The following MARCHF1 variants were observed in gnomAD, a reference collection of about 807,000 sequenced individuals.
MARCHF1 encodes E3 ubiquitin-protein ligase MARCHF1.
In MARCHF1, 40 loss-of-function variants were observed where a neutral mutation model predicts 54.2. The ratio of observed to expected loss-of-function variants is 0.74; its 90% confidence interval spans 0.57 to 0.96. The LOEUF is 0.96. Among genes scored for constraint, MARCHF1 ranks in the 40% least tolerant of loss-of-function variants. The pLI is 0.00. For synonymous variants in MARCHF1, 236 were observed against 236.3 expected (o/e 1.00, Z 0.01); for missense variants, 586 against 656.5 (o/e 0.89, Z 1.17).
chr4:163,635,345 C>T (rs1269408613), intron 5 of MARCHF1, among the ~76,000 whole-genome samples: 20 of 150,506 alleles, frequency 1.3e-4, no homozygotes, highest in South Asian at 4.2e-4. Flanking sequence ...ATTGATAGAC[C>T]GCTAGCAAGA....
chr4:164,279,537 G>T (rs1248369165), intron 1 of MARCHF1, among the ~76,000 whole-genome samples: 1 of 151,560 alleles, frequency 6.6e-6, no homozygotes, highest in African/African-American at 2.4e-5. Flanking sequence ...AATGTTGACT[G>T]TTCACAATAC....
chr4:163,909,851 T>C (rs1024168495), intron 3 of MARCHF1, among the ~76,000 whole-genome samples: 12 of 152,220 alleles, frequency 7.9e-5, no homozygotes, highest in African/African-American at 1.2e-4. Context: ...AGTTTGCTTG[T>C]ATGTGATATC....
chr4:163,722,549 C>G (rs889974088), intron 4 of MARCHF1, among the ~76,000 whole-genome samples: 7 of 152,172 alleles, frequency 4.6e-5, no homozygotes, highest in Admixed American at 2.0e-4. Flanking sequence ...ATTAGGTCCA[C>G]TTGGTGCAGA....
intron 2 of MARCHF1, among the ~76,000 whole-genome samples, chr4:164,051,332 C>A (rs1754360258): frequency 6.6e-6 from 1 of 152,118 alleles, no homozygotes; most frequent in South Asian, 2.1e-4. Flanking sequence ...ATTTAGCCAA[C>A]TCGATAATTG....
intron 4 of MARCHF1, among the ~76,000 whole-genome samples, chr4:163,787,132 TA>T (rs1446837840): frequency 6.6e-6 from 1 of 151,634 alleles, no homozygotes; most frequent in Admixed American, 6.6e-5. Flanking sequence ...CTTCTAGAAT[TA>T]AAAAAAGGAG....
intron 1 of MARCHF1, among the ~76,000 whole-genome samples, chr4:164,148,157 A>ACT (rs1045202043): frequency 5.9e-5 from 9 of 151,752 alleles, no homozygotes; most frequent in Non-Finnish European, 1.2e-4. Flanking sequence ...ACACACACAC[A>ACT]CACACACACA....
intron 3 of MARCHF1, among the ~76,000 whole-genome samples, chr4:163,935,180 G>A (rs1316603573): frequency 6.6e-6 from 1 of 151,946 alleles, no homozygotes; most frequent in Non-Finnish European, 1.5e-5. Context: ...TAATTCTTAA[G>A]GGTCATACAA....
At chr4:163,878,943 A>AC (rs1428664200) in intron 3 of MARCHF1, among the ~76,000 whole-genome samples, 3 of 152,194 alleles carry the variant, frequency 2.0e-5, no homozygotes, top group Non-Finnish European at 4.4e-5. Context: ...TTTGTGAAGC[A>AC]CTGAGTAATA....
intron 4 of MARCHF1, among the ~76,000 whole-genome samples, chr4:163,806,826 T>C (rs1382838751): frequency 6.6e-6 from 1 of 151,990 alleles, no homozygotes; most frequent in African/African-American, 2.4e-5. Context: ...GTGTGATCGC[T>C]CATGATAGAA....
At chr4:164,123,321 T>C (rs1021982892) in intron 1 of MARCHF1, among the ~76,000 whole-genome samples, 5 of 151,988 alleles carry the variant, frequency 3.3e-5, no homozygotes, top group East Asian at 1.9e-4. Context: ...CCCCAAAAGA[T>C]GGAAAAATAC....
At chr4:164,191,308 T>G (rs183066417) in intron 1 of MARCHF1, among the ~76,000 whole-genome samples, 3 of 152,234 alleles carry the variant, frequency 2.0e-5, no homozygotes, top group African/African-American at 7.2e-5. Context: ...ACTCTGCATA[T>G]TAATTGATTA....
At chr4:163,915,188 A>G (rs958505549) in intron 3 of MARCHF1, among the ~76,000 whole-genome samples, 3 of 152,170 alleles carry the variant, frequency 2.0e-5, no homozygotes, top group Admixed American at 2.0e-4. Context: ...GACAAAGGAA[A>G]TTTTAAAAAA....
intron 4 of MARCHF1, among the ~76,000 whole-genome samples, chr4:163,709,031 AAAT>A (rs1170487662): frequency 6.6e-6 from 1 of 152,182 alleles, no homozygotes; most frequent in Non-Finnish European, 1.5e-5. Flanking sequence ...ATTTCTTTAA[AAAT>A]AATGAAATAG....
intron 2 of MARCHF1, among the ~76,000 whole-genome samples, chr4:164,031,599 T>C (rs2110993845): frequency 6.6e-6 from 1 of 152,296 alleles, no homozygotes; most frequent in Non-Finnish European, 1.5e-5. Context: ...CATGTGATTT[T>C]TGTCATTGTT....
rs987867561 is a variant in MARCHF1, at chr4:163,884,647, C to T, written c.-38-30478G>A. ...ACCAGGTCTTCAAAAATGATCATCA[C>T]AGAGCTGCTTACTTTCAAATATCCT... is the stretch of plus-strand genomic sequence containing the variant. On this transcript the variant is annotated intron_variant, in intron 3 of 9. Transcript: ENST00000514618. 2.6e-5 allele frequency among the ~76,000 whole-genome samples: 4 copies of T among 152,160 alleles called. No individual in the cohort carries two copies. In the East Asian group the frequency reaches 7.7e-4, roughly 29 times the overall value.
At chr4:164,040,244 T>C (rs1277009809) in intron 2 of MARCHF1, among the ~76,000 whole-genome samples, 1 of 144,462 alleles carries the variant, frequency 6.9e-6, no homozygotes, top group Non-Finnish European at 1.5e-5. Flanking sequence ...TATATACTTA[T>C]ATATACGTAT....
At chr4:163,738,086 C>T (rs1426405361) in intron 4 of MARCHF1, among the ~76,000 whole-genome samples, 2 of 152,288 alleles carry the variant, frequency 1.3e-5, no homozygotes, top group African/African-American at 4.8e-5. Context: ...CTTCTGAAAT[C>T]GGCAGGCTGC....
rs944197955 is a variant in MARCHF1 at position 163,650,797 on chromosome 4, T to A, written c.163-37404A>T. Among the ~76,000 whole-genome samples, 4 of 152,102 alleles carry A rather than the reference T, an allele frequency of 2.6e-5. No individual in the cohort carries two copies. In the East Asian group the frequency reaches 7.8e-4, roughly 29 times the overall value. On this transcript the variant is annotated intron_variant, in intron 5 of 9. Coordinates refer to ENST00000514618, the MANE Select transcript of MARCHF1 (RefSeq NM_001394959.1). ...TGGTCAATTTGTGTGTCTTCCACCC[T>A]AGAATGTCCATGAAACTGCCTATTT...
intron 2 of MARCHF1, among the ~76,000 whole-genome samples, chr4:164,089,204 G>A (rs568765348): frequency 6.6e-6 from 1 of 152,024 alleles, no homozygotes; most frequent in Non-Finnish European, 1.5e-5. Context: ...ATATGACATT[G>A]AATATTGTCA....
Sources: allele counts gnomAD v4.1 joint callset (sites outside exome capture counted in the v4.1 genomes callset), GRCh38; gene constraint gnomAD v4.1.1; transcripts MANE v1.5; gene names NCBI Gene and HGNC (gene_info 2026-07-23, HGNC 2026-07-21).